The following BCL2 variants were observed in gnomAD, a reference collection of about 807,000 sequenced individuals.
The protein encoded by BCL2 is BCL2 apoptosis regulator.
BCL2 carries 1 observed loss-of-function variant against 14.2 expected under a neutral mutation model. That is an observed-to-expected ratio of 0.07 (90% CI 0.02 to 0.33). The LOEUF (loss-of-function observed/expected upper bound fraction) is 0.33. Among genes scored for constraint, BCL2 ranks in the 10% least tolerant of loss-of-function variants. The probability of loss-of-function intolerance (pLI) is 0.99; values close to 1 mark genes in which losing one functional copy is unlikely to be tolerated. For synonymous variants in BCL2, 151 were observed against 137.2 expected, an observed-to-expected ratio of 1.10 and a Z score of -0.70; for missense variants, 247 against 305.9, an observed-to-expected ratio of 0.81 and a Z score of 1.44.
chr18:63,279,767 C>T (rs1912257216), intron 2 of BCL2, among the ~76,000 whole-genome samples: 1 of 152,198 alleles, frequency 6.6e-6, no homozygotes, highest in Admixed American at 6.5e-5. Flanking sequence ...TGAAATCTCA[C>T]AAACGTAACT....
intron 2 of BCL2, among the ~76,000 whole-genome samples, chr18:63,177,700 T>C (rs1915381329): frequency 6.6e-6 from 1 of 152,206 alleles, no homozygotes; most frequent in Non-Finnish European, 1.5e-5. Flanking sequence ...AAATTGGACT[T>C]TTCCCCTGAA....
At position 63,268,037 on chromosome 18, in the gene BCL2, C is replaced by T. The variant is rs187846317; in HGVS notation, c.585+50045G>A. Among the ~76,000 whole-genome samples, 45 of 152,332 alleles carry T rather than the reference C, an allele frequency of 3.0e-4. No homozygotes were observed. In the Middle Eastern group the frequency reaches 0.01, roughly 35 times the overall value. ...GATGCCTTTATTTTCTCTAACATTC[C>T]TGCATTCCTTTTGCATCTCTTTTCA... On this transcript the variant is annotated intron_variant, in intron 2 of 2. Coordinates refer to ENST00000333681, the MANE Select transcript of BCL2 (RefSeq NM_000633.3).
chr18:63,220,925 T>C (rs1910374893), intron 2 of BCL2, among the ~76,000 whole-genome samples: 1 of 152,236 alleles, frequency 6.6e-6, no homozygotes, highest in African/African-American at 2.4e-5. Flanking sequence ...CTACTCTGTA[T>C]TCAAGAAGAG....
At chr18:63,173,308 A>G (rs1254174148) in intron 2 of BCL2, among the ~76,000 whole-genome samples, 1 of 152,138 alleles carries the variant, frequency 6.6e-6, no homozygotes, top group Non-Finnish European at 1.5e-5. Context: ...TCCAACATAT[A>G]TTTTGCTAGG....
chr18:63,293,139 G>C (rs1912701265), intron 2 of BCL2, among the ~76,000 whole-genome samples: 1 of 152,216 alleles, frequency 6.6e-6, no homozygotes, highest in South Asian at 2.1e-4. Context: ...AGCCCAGCCA[G>C]GTTCTCAGTG....
At chr18:63,286,133 G>T (rs1322301033) in intron 2 of BCL2, among the ~76,000 whole-genome samples, 1 of 152,204 alleles carries the variant, frequency 6.6e-6, no homozygotes, top group Non-Finnish European at 1.5e-5. Flanking sequence ...AAGAAATCTG[G>T]AAGAGTAAAA....
At chr18:63,312,601 T>C (rs370782875) in intron 2 of BCL2, among the ~76,000 whole-genome samples, 2 of 152,264 alleles carry the variant, frequency 1.3e-5, no homozygotes, top group South Asian at 2.1e-4. Flanking sequence ...ACTGTGAATT[T>C]CTGTAACTAG....
chr18:63,154,986 C>T (rs187722403), intron 2 of BCL2, among the ~76,000 whole-genome samples: 1 of 152,326 alleles, frequency 6.6e-6, no homozygotes, highest in Non-Finnish European at 1.5e-5. Context: ...ATGGCAACAC[C>T]GTGTGGGGTA....
chr18:63,207,173 C>T (rs1284204267), intron 2 of BCL2, among the ~76,000 whole-genome samples: 15 of 152,282 alleles, frequency 9.9e-5, no homozygotes, highest in South Asian at 4.1e-4. Flanking sequence ...AGAAGAGGCA[C>T]GGAGACCGCC....
intron 2 of BCL2, among the ~76,000 whole-genome samples, chr18:63,139,476 G>A (rs1914299717): frequency 6.6e-6 from 1 of 152,192 alleles, no homozygotes; most frequent in South Asian, 2.1e-4. Context: ...CACATGCCCT[G>A]CCCTATAGTA....
At chr18:63,159,172 T>A (rs1914854783) in intron 2 of BCL2, among the ~76,000 whole-genome samples, 1 of 152,180 alleles carries the variant, frequency 6.6e-6, no homozygotes, top group African/African-American at 2.4e-5. Context: ...GATGAGATGA[T>A]GACAAAAAGA....
intron 2 of BCL2, among the ~76,000 whole-genome samples, chr18:63,285,459 C>T (rs548121421): frequency 1.1e-4 from 16 of 152,328 alleles, no homozygotes; most frequent in African/African-American, 2.9e-4. Flanking sequence ...CAAGAATGCA[C>T]GCCCTTAGTT....
At chr18:63,312,686 C>T (rs1913367161) in intron 2 of BCL2, among the ~76,000 whole-genome samples, 1 of 152,020 alleles carries the variant, frequency 6.6e-6, no homozygotes, top group African/African-American at 2.4e-5. Flanking sequence ...TTTTTTTTCC[C>T]CTGCTCAAAG....
chr18:63,307,220 A>G (rs554409151), intron 2 of BCL2, among the ~76,000 whole-genome samples: 1 of 152,352 alleles, frequency 6.6e-6, no homozygotes, highest in South Asian at 2.1e-4. Context: ...AAAAGAGTCA[A>G]GTATCCCAAC....
intron 2 of BCL2, among the ~76,000 whole-genome samples, chr18:63,192,504 C>T (rs148186163): frequency 1.5e-3 from 228 of 152,210 alleles, no homozygotes; most frequent in Non-Finnish European, 3.0e-3. Flanking sequence ...AAAAGCATGG[C>T]CCATACATCT....
chr18:63,222,190 T>C (rs9958550), intron 2 of BCL2, among the ~76,000 whole-genome samples: 139,008 of 150,870 alleles, frequency 0.92, 64,487 homozygotes, highest in Non-Finnish European at 0.98. Flanking sequence ...AGGAGTAATA[T>C]CTGAACTTGG....
chr18:63,271,346 AAG>A (rs1463607205), intron 2 of BCL2, among the ~76,000 whole-genome samples: 1 of 152,238 alleles, frequency 6.6e-6, no homozygotes, highest in Non-Finnish European at 1.5e-5. Flanking sequence ...ATGAATGACA[AAG>A]AGACACGTGT....
rs559885552 is a variant in BCL2, at chr18:63,311,823, A to G, written c.585+6259T>C. ...AGTCACTCTCAGTATATTGCTACAA[A>G]TGGCCATACCAGTATGTCAGGGAGA... On this transcript the variant is annotated intron_variant, in intron 2 of 2. Coordinates refer to ENST00000333681, the MANE Select transcript of BCL2 (RefSeq NM_000633.3). Among the ~76,000 whole-genome samples, 7 of 152,292 alleles carry G rather than the reference A, an allele frequency of 4.6e-5. No homozygotes were observed. In the South Asian group the frequency reaches 1.2e-3, roughly 27 times the overall value.
chr18:63,155,265 C>T (rs921610194), intron 2 of BCL2, among the ~76,000 whole-genome samples: 2 of 152,094 alleles, frequency 1.3e-5, no homozygotes, highest in Non-Finnish European at 2.9e-5. Flanking sequence ...GAGAAAGGCT[C>T]GGGACAGCAG....
Sources: allele counts gnomAD v4.1 joint callset (sites outside exome capture counted in the v4.1 genomes callset), GRCh38; gene constraint gnomAD v4.1.1; transcripts MANE v1.5; gene names NCBI Gene and HGNC (gene_info 2026-07-23, HGNC 2026-07-21).